PLEKHA6: variants seen among roughly 807,000 people sequenced by gnomAD.
PLEKHA6 encodes pleckstrin homology domain containing A6.
Under a neutral mutation model 116.7 loss-of-function variants are expected in PLEKHA6, and 60 were observed. That is an observed-to-expected ratio of 0.51 (90% CI 0.42 to 0.64). The LOEUF is 0.64. Among genes scored for constraint, PLEKHA6 ranks in the 30% least tolerant of loss-of-function variants. The pLI, the probability that PLEKHA6 is intolerant of heterozygous loss-of-function variation, is 0.00. For missense variants in PLEKHA6, 1,338 were observed against 1,422.7 expected (o/e 0.94, Z 0.96); for synonymous variants, 489 against 556.1 (o/e 0.88, Z 1.70).
intron 1 of PLEKHA6, chr1:204,327,127 T>G (rs1672270685): frequency 2.4e-6 from 1 of 424,764 alleles, no homozygotes; most frequent in Admixed American, 6.4e-5. Context: ...AAGGCTGAAC[T>G]CCCAGCAAAA....
chr1:204,234,788 C>T (rs182832461), intron 17 of PLEKHA6, among the ~76,000 whole-genome samples: 2 of 151,514 alleles, frequency 1.3e-5, no homozygotes, highest in Admixed American at 1.3e-4. Context: ...CTGACCTAGC[C>T]ACCCAGCCTA....
At chr1:204,272,133 T>A (rs1198729357) in intron 3 of PLEKHA6, among the ~76,000 whole-genome samples, 1 of 152,080 alleles carries the variant, frequency 6.6e-6, no homozygotes, top group East Asian at 1.9e-4. Context: ...CCCACCCCAT[T>A]CCTCTCAGGA....
In PLEKHA6 at chr1:204,301,446, T is replaced by C. The variant is rs983165166; in HGVS notation, c.-94-26637A>G. ...TAGAGCTGGCGGAGGCAATGTGTTA[T>C]TTGGTTGGACTTCAGGTATAGACAT... On this transcript the variant is annotated intron_variant, in intron 1 of 22. Transcript: ENST00000272203. 1.2e-5 allele frequency: 12 copies of C among 985,470 alleles called. No homozygotes were observed. The African/African-American group carries it at 1.7e-4, about 14-fold the overall frequency. The allele number at this position is 985,470 out of a possible 1,614,324, so 61.0% of individuals were successfully genotyped here. A position where few individuals can be genotyped will look rare whatever the true frequency, so the allele number is the denominator to read the frequency against.
chr1:204,276,246 G>C (rs897093371), intron 1 of PLEKHA6, among the ~76,000 whole-genome samples: 1 of 152,168 alleles, frequency 6.6e-6, no homozygotes, highest in African/African-American at 2.4e-5. Context: ...CGCAGCCCAG[G>C]CTTGCCAGCC....
At position 204,241,444 on chromosome 1, in the gene PLEKHA6, A is replaced by G. The variant is rs1197498556; in HGVS notation, c.2340T>C (p.Asp780=). ...CCACTGCTGATGGGGTCACCTCATCATCAGTGGGCGATTTTGTCCGAGGGG... is the reference window on the plus strand; with the variant it reads ...CCACTGCTGATGGGGTCACCTCATCGTCAGTGGGCGATTTTGTCCGAGGGG... ...VVPPRTKSPT[D]DEVTPSAVVR... Residue 780 remains aspartate (D), a synonymous_variant, in exon 17 of 23, where the codon GAT becomes GAC. Transcript: ENST00000272203. 4 of 1,610,152 alleles carry G rather than the reference A, an allele frequency of 2.5e-6. No individual in the cohort carries two copies. In the East Asian group the frequency reaches 6.7e-5, roughly 27 times the overall value.
chr1:204,309,844 G>T, intron 1 of PLEKHA6: 1 of 251,858 alleles, frequency 4.0e-6, no homozygotes, highest in Non-Finnish European at 6.3e-6. Context: ...TTTTAGCTTT[G>T]TAGGCCATAC....
intron 13 of PLEKHA6, 145 bp from the exon 14 acceptor site, chr1:204,245,871 CACACACAT>C: frequency 3.6e-6 from 2 of 561,530 alleles, no homozygotes; most frequent in Non-Finnish European, 3.2e-6. Context: ...CACACACACA[CACACACAT>C]GCCCCTCCAG....
In PLEKHA6 at chr1:204,356,421, G is replaced by A. The variant is rs116390972; in HGVS notation, c.-95+3273C>T. Among the ~76,000 whole-genome samples the A allele has an allele frequency of 4.0e-3, 604 of 152,126 alleles. 6 individuals carry two copies. Among genetic ancestry groups the A allele is most frequent in the African/African-American group, 0.014 (583 of 41,476 alleles). On this transcript the variant is annotated intron_variant, in intron 1 of 22. Transcript: ENST00000272203. ...ACTCTATCAAAAATACATAAAATTAGCCAGGTATGGTGACATGCACCTGTA... is the reference window on the plus strand; with the variant it reads ...ACTCTATCAAAAATACATAAAATTAACCAGGTATGGTGACATGCACCTGTA...
At chr1:204,310,340 C>G (rs1671612574) in intron 1 of PLEKHA6, among the ~76,000 whole-genome samples, 1 of 152,210 alleles carries the variant, frequency 6.6e-6, no homozygotes. Flanking sequence ...TTACTTCTAT[C>G]AATGTCAATG....
At chr1:204,250,762 T>C in intron 9 of PLEKHA6, 148 bp from the exon 10 acceptor site, 2 of 693,380 alleles carry the variant, frequency 2.9e-6, no homozygotes, top group Middle Eastern at 4.8e-4. Flanking sequence ...CTGAGCTCAT[T>C]CCACATCCCC....
intron 1 of PLEKHA6, among the ~76,000 whole-genome samples, chr1:204,314,695 G>A (rs1671788086): frequency 6.6e-6 from 1 of 152,208 alleles, no homozygotes; most frequent in Non-Finnish European, 1.5e-5. Flanking sequence ...AGTCAAGCTT[G>A]TCTTTCTTCT....
intron 1 of PLEKHA6, among the ~76,000 whole-genome samples, chr1:204,291,976 G>A (rs1669812979): frequency 6.6e-6 from 1 of 152,114 alleles, no homozygotes; most frequent in African/African-American, 2.4e-5. Flanking sequence ...GCTATTATTG[G>A]GCACACCCAT....
chr1:204,251,535 A>G lies in PLEKHA6; in HGVS notation c.1525-921T>C, dbSNP rs754024815. The G allele has an allele frequency of 5.7e-6, 4 of 702,902 alleles. No individual in the cohort carries two copies. In the East Asian group the frequency reaches 1.1e-4, roughly 19 times the overall value. The allele number at this position is 702,902 out of a possible 1,614,324, so 43.5% of individuals were successfully genotyped here. ...GCTGCCAGGCAGAGGTCTTACTTGC[A>G]TGAAGAGTTGGGACCTGGGGGAGGA... On this transcript the variant is annotated intron_variant, in intron 9 of 22. Coordinates refer to ENST00000272203, the MANE Select transcript of PLEKHA6 (RefSeq NM_014935.5).
intron 6 of PLEKHA6, among the ~76,000 whole-genome samples, chr1:204,262,322 T>G (rs1203701623): frequency 6.6e-6 from 1 of 152,194 alleles, no homozygotes; most frequent in Non-Finnish European, 1.5e-5. Flanking sequence ...GCTCTGCAAC[T>G]GCAGACAAGT....
At chr1:204,224,250 A>G (rs571601486) in intron 21 of PLEKHA6, among the ~76,000 whole-genome samples, 20 of 152,102 alleles carry the variant, frequency 1.3e-4, no homozygotes, top group Non-Finnish European at 2.4e-4. Context: ...ATTTTACTCT[A>G]TTATCATTAT....
At chr1:204,283,007 G>GC (rs909886565) in intron 1 of PLEKHA6, among the ~76,000 whole-genome samples, 31 of 152,144 alleles carry the variant, frequency 2.0e-4, no homozygotes, top group Admixed American at 5.9e-4. Flanking sequence ...AATTAATTAT[G>GC]CCCCCCCACC....
rs1670821276 is a variant in PLEKHA6 at position 204,301,558 on chromosome 1, A to G, written c.-94-26749T>C. On this transcript the variant is annotated intron_variant, in intron 1 of 22. Transcript: ENST00000272203. ...CACCCTACCACCACCCCATGGCTTC[A>G]TCTGTACCACTTACTCCCTAGGGCC... is the stretch of plus-strand genomic sequence containing the variant. 5.5e-6 allele frequency: 4 copies of G among 730,706 alleles called. No homozygotes were observed. In the South Asian group the frequency reaches 2.5e-4, roughly 45 times the overall value. 45.3% of individuals were successfully genotyped at this position (730,706 alleles called of 1,614,324 possible).
chr1:204,360,160 C>A (rs1370073971), upstream of PLEKHA6, among the ~76,000 whole-genome samples: 1 of 152,226 alleles, frequency 6.6e-6, no homozygotes, highest in Non-Finnish European at 1.5e-5. Context: ...GGCTGCCCCC[C>A]AAAGGGGAGC....
chr1:204,335,372 C>T (rs1489984312), intron 1 of PLEKHA6, among the ~76,000 whole-genome samples: 1 of 152,074 alleles, frequency 6.6e-6, no homozygotes, highest in African/African-American at 2.4e-5. Flanking sequence ...CAGGCTGGCT[C>T]CCTTGGACCA....
Sources: gnomAD v4.1 joint callset for allele counts (sites outside exome capture counted in the v4.1 genomes callset) on GRCh38, gnomAD v4.1.1 for gene constraint, MANE v1.5 for transcripts, NCBI Gene and HGNC (gene_info 2026-07-23, HGNC 2026-07-21) for gene names.